Variants in SH3RF3 observed in about 807,000 individuals in gnomAD.
SH3RF3 encodes E3 ubiquitin-protein ligase SH3RF3.
A neutral mutation model predicts 66.3 loss-of-function variants in SH3RF3; 29 were observed. The ratio of observed to expected loss-of-function variants is 0.44; its 90% confidence interval spans 0.33 to 0.60. SH3RF3 has a LOEUF of 0.60. Ranked by LOEUF, SH3RF3 falls within the 20% of genes least tolerant of loss-of-function variation. SH3RF3 has a pLI of 0.04. For synonymous variants in SH3RF3, 583 were observed against 532.0 expected (o/e 1.10, Z -1.32); for missense variants, 1,194 against 1,190.9 (o/e 1.00, Z -0.04).
intron 1 of SH3RF3, among the ~76,000 whole-genome samples, chr2:109,204,481 C>T (rs1050723712): frequency 3.3e-5 from 5 of 152,168 alleles, no homozygotes; most frequent in Non-Finnish European, 5.9e-5. Flanking sequence ...TTGTTATGCC[C>T]CTCCAATCTC....
intron 4 of SH3RF3, among the ~76,000 whole-genome samples, chr2:109,410,702 A>T (rs1033566371): frequency 3.3e-5 from 5 of 152,220 alleles, no homozygotes; most frequent in Non-Finnish European, 5.9e-5. Flanking sequence ...GCCTAGGCCA[A>T]ATCCTGGCAG....
intron 6 of SH3RF3, among the ~76,000 whole-genome samples, 170 bp downstream of exon 6, chr2:109,432,841 C>T (rs1677278042): frequency 6.6e-6 from 1 of 152,256 alleles, no homozygotes; most frequent in African/African-American, 2.4e-5. Context: ...ATTTCACCTT[C>T]TGAGCTGGGT....
chr2:109,382,795 G>C (rs540676216), intron 3 of SH3RF3, among the ~76,000 whole-genome samples: 114 of 152,340 alleles, frequency 7.5e-4, no homozygotes, highest in African/African-American at 2.5e-3. Context: ...TTTGAAGTTA[G>C]CACCCCCAAT....
chr2:109,411,084 G>A (rs1335971012), intron 4 of SH3RF3, among the ~76,000 whole-genome samples: 1 of 152,206 alleles, frequency 6.6e-6, no homozygotes, highest in African/African-American at 2.4e-5. Flanking sequence ...GAGGAAGCCA[G>A]GCCTGCGTCC....
intron 4 of SH3RF3, among the ~76,000 whole-genome samples, chr2:109,401,614 T>A (rs1676315973): frequency 6.6e-6 from 1 of 152,190 alleles, no homozygotes; most frequent in African/African-American, 2.4e-5. Flanking sequence ...ACAGGGCCCA[T>A]GACTTTGCAA....
At chr2:109,476,041 C>G (rs1559103831) in intron 8 of SH3RF3, among the ~76,000 whole-genome samples, 1 of 152,164 alleles carries the variant, frequency 6.6e-6, no homozygotes, top group African/African-American at 2.4e-5. Flanking sequence ...ATCGGCTGTG[C>G]CCAGAGTTAG....
intron 8 of SH3RF3, among the ~76,000 whole-genome samples, chr2:109,465,051 A>G (rs983411923): frequency 7.9e-5 from 12 of 152,224 alleles, no homozygotes; most frequent in Admixed American, 6.5e-5. Flanking sequence ...AGATTGTTAT[A>G]CAATTGGAAT....
At chr2:109,342,005 T>C (rs1459132021) in intron 1 of SH3RF3, among the ~76,000 whole-genome samples, 4 of 152,212 alleles carry the variant, frequency 2.6e-5, no homozygotes, top group Non-Finnish European at 1.5e-5. Flanking sequence ...TTGGTGTGTA[T>C]ACAATTAGGG....
chr2:109,378,024 A>G (rs1369311445), intron 3 of SH3RF3, among the ~76,000 whole-genome samples: 2 of 152,196 alleles, frequency 1.3e-5, no homozygotes, highest in African/African-American at 4.8e-5. Context: ...TGGATTTGCC[A>G]TTTTACCTTG....
intron 1 of SH3RF3, among the ~76,000 whole-genome samples, chr2:109,342,253 A>G (rs1248299994): frequency 6.6e-6 from 1 of 152,256 alleles, no homozygotes; most frequent in Non-Finnish European, 1.5e-5. Context: ...GATCTTGGGC[A>G]ACATGGACTG....
chr2:109,269,637 C>T (rs536702008), intron 1 of SH3RF3, among the ~76,000 whole-genome samples: 35 of 152,192 alleles, frequency 2.3e-4, no homozygotes, highest in Non-Finnish European at 4.1e-4. Context: ...AAAAAATAGC[C>T]GGACATGGTG....
chr2:109,485,874 G>A (rs1678956513), intron 8 of SH3RF3, among the ~76,000 whole-genome samples: 1 of 152,232 alleles, frequency 6.6e-6, no homozygotes, highest in Non-Finnish European at 1.5e-5. Context: ...CTCATCGCAA[G>A]CCTCCAGTCC....
intron 1 of SH3RF3, among the ~76,000 whole-genome samples, chr2:109,280,719 C>T (rs1005090822): frequency 1.4e-4 from 22 of 152,164 alleles, no homozygotes; most frequent in African/African-American, 4.8e-4. Context: ...TATCTGGAGA[C>T]GTTGGAAATG....
chr2:109,261,006 C>T (rs1680340831), intron 1 of SH3RF3, among the ~76,000 whole-genome samples: 2 of 152,174 alleles, frequency 1.3e-5, no homozygotes, highest in African/African-American at 2.4e-5. Flanking sequence ...GAGAGCCTTT[C>T]CCTCCCTTTA....
intron 1 of SH3RF3, among the ~76,000 whole-genome samples, chr2:109,167,993 G>A (rs934846033): frequency 2.0e-5 from 3 of 152,120 alleles, no homozygotes; most frequent in African/African-American, 7.2e-5. Flanking sequence ...AGTGATACAA[G>A]GTGATCTCTC....
intron 1 of SH3RF3, among the ~76,000 whole-genome samples, chr2:109,249,167 C>T (rs1371361814): frequency 1.3e-5 from 2 of 152,232 alleles, no homozygotes; most frequent in East Asian, 3.9e-4. Flanking sequence ...CAGGTGTGGG[C>T]CACCACACCT....
chr2:109,253,315 G>C (rs1227460496), intron 1 of SH3RF3, among the ~76,000 whole-genome samples: 1 of 152,166 alleles, frequency 6.6e-6, no homozygotes, highest in Non-Finnish European at 1.5e-5. Flanking sequence ...CACTGCGCCC[G>C]GCCTAGCCTT....
intron 1 of SH3RF3, among the ~76,000 whole-genome samples, chr2:109,296,371 G>A (rs1034977164): frequency 6.6e-6 from 1 of 151,846 alleles, no homozygotes; most frequent in Non-Finnish European, 1.5e-5. Context: ...GGGATTACAG[G>A]TGTGCACCAC....
chr2:109,441,389 A>G (rs2104603429), intron 7 of SH3RF3, among the ~76,000 whole-genome samples: 1 of 152,344 alleles, frequency 6.6e-6, no homozygotes, highest in East Asian at 1.9e-4. Context: ...AATAAAAACT[A>G]CAGTGTGTGA....
Sources: gnomAD v4.1 joint callset for allele counts (sites outside exome capture counted in the v4.1 genomes callset) on GRCh38, gnomAD v4.1.1 for gene constraint, MANE v1.5 for transcripts, NCBI Gene and HGNC (gene_info 2026-07-23, HGNC 2026-07-21) for gene names.